GPM6A: variants seen among roughly 807,000 people sequenced by gnomAD.
GPM6A encodes glycoprotein M6A.
Under a neutral mutation model 32.1 loss-of-function variants are expected in GPM6A, and 7 were observed. The ratio of observed to expected loss-of-function variants is 0.22; its 90% CI spans 0.12 to 0.41. The LOEUF (loss-of-function observed/expected upper bound fraction) is 0.41, where lower values mean the gene tolerates loss of function less well. GPM6A is among the 10% of genes least tolerant of loss of function. GPM6A has a pLI of 1.00. For missense variants in GPM6A, 235 were observed against 347.2 expected (o/e 0.68, Z 2.57); for synonymous variants, 130 against 123.4 (o/e 1.05, Z -0.35).
At chr4:175,651,808 AG>A (rs1446866597) in intron 4 of GPM6A, 25 bp downstream of exon 4, 1 of 1,590,740 alleles carries the variant, frequency 6.3e-7, no homozygotes, top group Non-Finnish European at 8.6e-7. Flanking sequence ...GGTGTTTTAC[AG>A]TTTAGAGATC....
rs1452477389 is a variant in GPM6A, at chr4:175,783,998, C to CT, written c.37+28192dup. ...AGTATAGTATAGACAGAATGTCTCA[C>CT]TTTTTTAACATACATAGTTTGAAAC... On this transcript the variant is annotated intron_variant, in intron 1 of 6. Coordinates refer to ENST00000393658, the MANE Select transcript of GPM6A (RefSeq NM_201591.3). Among the ~76,000 whole-genome samples the CT allele has an allele frequency of 6.6e-5, 10 of 152,088 alleles. No homozygotes were observed. The East Asian group carries it at 1.7e-3, about 26-fold the overall frequency.
intron 1 of GPM6A, among the ~76,000 whole-genome samples, chr4:175,864,864 TGGTGTGATCTC>T (rs1736682438): frequency 6.6e-6 from 1 of 152,138 alleles, no homozygotes; most frequent in African/African-American, 2.4e-5. Context: ...TGGAGTGCAG[TGGTGTGATCTC>T]GGCTCACTGC....
chr4:175,778,540 G>T (rs962061517), intron 1 of GPM6A, among the ~76,000 whole-genome samples: 3 of 148,730 alleles, frequency 2.0e-5, no homozygotes, highest in Non-Finnish European at 4.4e-5. Flanking sequence ...CAGGAGAATC[G>T]CTTGAACCTG....
intron 1 of GPM6A, among the ~76,000 whole-genome samples, chr4:175,933,257 C>T (rs1407683671): frequency 2.6e-5 from 4 of 152,114 alleles, no homozygotes; most frequent in Non-Finnish European, 5.9e-5. Flanking sequence ...CTCAATATCT[C>T]CAATCTTCAG....
chr4:175,868,021 G>T (rs1449480723), intron 1 of GPM6A, among the ~76,000 whole-genome samples: 3 of 152,198 alleles, frequency 2.0e-5, no homozygotes, highest in Non-Finnish European at 4.4e-5. Flanking sequence ...GGTCCATCTG[G>T]TTGAACTTGT....
intron 1 of GPM6A, among the ~76,000 whole-genome samples, chr4:175,758,802 T>C (rs140679899): frequency 2.6e-4 from 40 of 152,030 alleles, no homozygotes; most frequent in African/African-American, 9.6e-4. Context: ...ACACTGAACA[T>C]GCAGTTTACC....
chr4:175,852,523 T>C (rs1736291238), intron 1 of GPM6A, among the ~76,000 whole-genome samples: 1 of 152,196 alleles, frequency 6.6e-6, no homozygotes, highest in South Asian at 2.1e-4. Flanking sequence ...AAAAGTGAAC[T>C]AGCCCTTTAT....
At chr4:175,882,321 T>C (rs1002642413) in intron 1 of GPM6A, among the ~76,000 whole-genome samples, 2 of 152,056 alleles carry the variant, frequency 1.3e-5, no homozygotes, top group African/African-American at 4.8e-5. Flanking sequence ...GCTAGTAATT[T>C]AATGCACAAG....
intron 1 of GPM6A, among the ~76,000 whole-genome samples, chr4:175,999,052 A>C (rs1454161781): frequency 6.6e-6 from 1 of 152,196 alleles, no homozygotes; most frequent in Admixed American, 6.5e-5. Flanking sequence ...CAAATGTTTC[A>C]CATTCCTCCA....
At chr4:175,816,737 C>T (rs890314890), upstream of GPM6A, among the ~76,000 whole-genome samples, 2 of 152,222 alleles carry the variant, frequency 1.3e-5, no homozygotes, top group Non-Finnish European at 2.9e-5. Context: ...TTAACATTAT[C>T]TCTAGAATGA....
At chr4:175,834,122 G>A (rs946698413) in intron 1 of GPM6A, among the ~76,000 whole-genome samples, 1 of 150,876 alleles carries the variant, frequency 6.6e-6, no homozygotes, top group Non-Finnish European at 1.5e-5. Flanking sequence ...CTACCCAACC[G>A]AGAGAGATGT....
intron 3 of GPM6A, among the ~76,000 whole-genome samples, chr4:175,663,339 C>A (rs1742540703): frequency 6.6e-6 from 1 of 152,076 alleles, no homozygotes; most frequent in Admixed American, 6.5e-5. Flanking sequence ...TACATCTGGA[C>A]AATGGAATGT....
intron 6 of GPM6A, among the ~76,000 whole-genome samples, chr4:175,636,908 T>C (rs1453094932): frequency 7.1e-6 from 1 of 140,986 alleles, no homozygotes; most frequent in Non-Finnish European, 1.5e-5. Context: ...TGGAGTGATC[T>C]TGAATTTCTT....
At chr4:175,952,187 T>C (rs964532038) in intron 1 of GPM6A, among the ~76,000 whole-genome samples, 15 of 152,206 alleles carry the variant, frequency 9.9e-5, no homozygotes, top group African/African-American at 3.6e-4. Context: ...TAACTAAACT[T>C]TCCTTTTCAA....
At chr4:175,817,541 T>A (rs886764073) in intron 1 of GPM6A, among the ~76,000 whole-genome samples, 2 of 152,168 alleles carry the variant, frequency 1.3e-5, no homozygotes, top group African/African-American at 4.8e-5. Context: ...CTATATTTAG[T>A]TTTGATAGTT....
chr4:175,698,838 C>T (rs1579398478), intron 2 of GPM6A, among the ~76,000 whole-genome samples: 1 of 152,168 alleles, frequency 6.6e-6, no homozygotes, highest in East Asian at 1.9e-4. Context: ...GTAAAACTAC[C>T]AAATTAAGCA....
chr4:175,677,643 A>G (rs1743448339), intron 2 of GPM6A, among the ~76,000 whole-genome samples: 1 of 152,218 alleles, frequency 6.6e-6, no homozygotes, highest in Non-Finnish European at 1.5e-5. Context: ...TTTAATCTCT[A>G]AAAACTAATT....
intron 6 of GPM6A, among the ~76,000 whole-genome samples, chr4:175,637,705 T>A (rs1213682061): frequency 1.6e-3 from 14 of 8,528 alleles, no homozygotes; most frequent in African/African-American, 2.1e-3. Context: ...ATATTATATA[T>A]TATATATATT....
intron 1 of GPM6A, among the ~76,000 whole-genome samples, chr4:175,722,286 G>A (rs922879976): frequency 2.0e-5 from 3 of 151,810 alleles, no homozygotes; most frequent in African/African-American, 7.3e-5. Flanking sequence ...AGTGGAAGTC[G>A]TCCAGTGACC....
Sources: gnomAD v4.1 joint callset for allele counts (sites outside exome capture counted in the v4.1 genomes callset) on GRCh38, gnomAD v4.1.1 for gene constraint, MANE v1.5 for transcripts, NCBI Gene and HGNC (gene_info 2026-07-23, HGNC 2026-07-21) for gene names.